Variants in ITPR2 observed in about 807,000 individuals in gnomAD.
ITPR2 encodes inositol 1,4,5-trisphosphate-gated calcium channel ITPR2.
A neutral mutation model predicts 317.1 loss-of-function variants in ITPR2; 207 were observed. The ratio of observed to expected loss-of-function variants is 0.65; its 90% confidence interval spans 0.58 to 0.73. ITPR2 has a LOEUF of 0.73. Among genes scored for constraint, ITPR2 ranks in the 30% least tolerant of loss-of-function variants. ITPR2 has a pLI of 0.00. For synonymous variants in ITPR2, 1,156 were observed against 1,149.1 expected (o/e 1.01, Z -0.12); for missense variants, 2,613 against 3,284.0 (o/e 0.80, Z 4.99).
intron 13 of ITPR2, among the ~76,000 whole-genome samples, chr12:26,673,167 A>C (rs1329933533): frequency 6.6e-6 from 1 of 152,206 alleles, no homozygotes; most frequent in Admixed American, 6.5e-5. Context: ...CAATAGAAAA[A>C]GAGGGAATCC....
At chr12:26,744,479 A>C (rs931876300) in intron 2 of ITPR2, among the ~76,000 whole-genome samples, 3 of 152,220 alleles carry the variant, frequency 2.0e-5, no homozygotes, top group Non-Finnish European at 4.4e-5. Context: ...CAAACACAGC[A>C]ACCCTTCCCA....
intron 52 of ITPR2, among the ~76,000 whole-genome samples, chr12:26,405,215 A>C (rs1940310867): frequency 6.6e-6 from 1 of 152,146 alleles, no homozygotes; most frequent in Non-Finnish European, 1.5e-5. Context: ...AAAGTAAAGA[A>C]TTAGTGAAAA....
intron 1 of ITPR2, among the ~76,000 whole-genome samples, chr12:26,819,925 G>T (rs915746473): frequency 6.6e-6 from 1 of 152,040 alleles, no homozygotes; most frequent in Non-Finnish European, 1.5e-5. Context: ...AAAAAAATTA[G>T]CTGGGCATGG....
At chr12:26,356,652 A>G (rs1938650341) in intron 55 of ITPR2, among the ~76,000 whole-genome samples, 2 of 152,192 alleles carry the variant, frequency 1.3e-5, no homozygotes, top group Non-Finnish European at 2.9e-5. Flanking sequence ...AATTTCATGA[A>G]TAAATTCCCC....
intron 26 of ITPR2, among the ~76,000 whole-genome samples, chr12:26,608,226 A>G (rs1038609347): frequency 1.3e-5 from 2 of 152,222 alleles, no homozygotes; most frequent in Non-Finnish European, 2.9e-5. Flanking sequence ...ACAAAACCCA[A>G]ATCTCCTTTA....
chr12:26,775,404 C>A (rs1384316104), intron 2 of ITPR2, among the ~76,000 whole-genome samples: 1 of 152,134 alleles, frequency 6.6e-6, no homozygotes, highest in Non-Finnish European at 1.5e-5. Flanking sequence ...GTAACAGGTT[C>A]TCCACTTGAT....
chr12:26,513,755 C>T lies in ITPR2; in HGVS notation c.5074-18495G>A, dbSNP rs965393608. Among the ~76,000 whole-genome samples, 12 of 38,948 alleles carry T rather than the reference C, an allele frequency of 3.1e-4. No individual in the cohort carries two copies. The East Asian group carries it at 0.022, about 70-fold the overall frequency. The allele number at this position is 38,948 out of a possible 152,430, so 25.6% of individuals were successfully genotyped here. ...TTCCTTTATTGCCAATTATCACACACACACACACACACACACACACACATG... is the reference window on the plus strand; with the variant it reads ...TTCCTTTATTGCCAATTATCACACATACACACACACACACACACACACATG... On this transcript the variant is annotated intron_variant, in intron 37 of 56. Transcript: ENST00000381340.
At chr12:26,798,309 G>A (rs1050499126) in intron 1 of ITPR2, among the ~76,000 whole-genome samples, 3 of 152,184 alleles carry the variant, frequency 2.0e-5, no homozygotes, top group African/African-American at 7.2e-5. Context: ...GGGCAGCTGT[G>A]TTCCCACACG....
chr12:26,826,584 C>G (rs1034734306), intron 1 of ITPR2, among the ~76,000 whole-genome samples: 1 of 152,056 alleles, frequency 6.6e-6, no homozygotes. Context: ...GTCACTCTGA[C>G]TAAGAGACTA....
chr12:26,699,138 T>C (rs1948400412), intron 9 of ITPR2, among the ~76,000 whole-genome samples: 1 of 151,980 alleles, frequency 6.6e-6, no homozygotes, highest in African/African-American at 2.4e-5. Flanking sequence ...TTACAGACAC[T>C]TGAAATTCAA....
chr12:26,818,585 G>A (rs1950895453), intron 1 of ITPR2, among the ~76,000 whole-genome samples: 1 of 152,160 alleles, frequency 6.6e-6, no homozygotes, highest in African/African-American at 2.4e-5. Context: ...GATTAGTGTA[G>A]TCAGGTTTTT....
intron 13 of ITPR2, among the ~76,000 whole-genome samples, chr12:26,675,941 T>C (rs1401149636): frequency 6.6e-6 from 1 of 152,118 alleles, no homozygotes; most frequent in Non-Finnish European, 1.5e-5. Context: ...GCAGATCACC[T>C]GAGGTCAGGA....
At chr12:26,343,223 T>A (rs17384266) in intron 55 of ITPR2, among the ~76,000 whole-genome samples, 225 of 152,286 alleles carry the variant, frequency 1.5e-3, no homozygotes, top group Non-Finnish European at 1.9e-3. Context: ...AGTAACTGGA[T>A]TAGCTGGGAT....
chr12:26,682,439 T>C, intron 12 of ITPR2, 135 bp downstream of exon 12: 1 of 629,642 alleles, frequency 1.6e-6, no homozygotes, highest in Non-Finnish European at 2.8e-6. Context: ...CATGCATGCT[T>C]GATGAAATTA....
intron 26 of ITPR2, among the ~76,000 whole-genome samples, chr12:26,603,043 G>A (rs1946039154): frequency 1.3e-5 from 2 of 152,228 alleles, no homozygotes; most frequent in South Asian, 4.1e-4. Flanking sequence ...TTGCCTATAT[G>A]AGAAGAAATA....
chr12:26,480,713 G>A (rs1036537190), intron 43 of ITPR2, among the ~76,000 whole-genome samples: 27 of 152,042 alleles, frequency 1.8e-4, no homozygotes, highest in Non-Finnish European at 3.2e-4. Flanking sequence ...GGTGGCGGGC[G>A]CCTGTAATCC....
chr12:26,765,337 T>C (rs1335322557), intron 2 of ITPR2, among the ~76,000 whole-genome samples: 1 of 151,778 alleles, frequency 6.6e-6, no homozygotes, highest in African/African-American at 2.4e-5. Context: ...TGTTATTTAT[T>C]GTTTAAGATC....
chr12:26,823,834 TAC>T (rs144146227), intron 1 of ITPR2, among the ~76,000 whole-genome samples: 3 of 151,684 alleles, frequency 2.0e-5, no homozygotes, highest in African/African-American at 7.3e-5. Flanking sequence ...AAATTTCAAT[TAC>T]ACACACACAC....
intron 2 of ITPR2, among the ~76,000 whole-genome samples, chr12:26,783,728 C>A (rs1429378930): frequency 6.6e-6 from 1 of 152,086 alleles, no homozygotes; most frequent in Non-Finnish European, 1.5e-5. Context: ...GGGCATAATA[C>A]CCTCATTATG....
Sources: gnomAD v4.1 joint callset for allele counts (sites outside exome capture counted in the v4.1 genomes callset) on GRCh38, gnomAD v4.1.1 for gene constraint, MANE v1.5 for transcripts, NCBI Gene and HGNC (gene_info 2026-07-23, HGNC 2026-07-21) for gene names.